Variants in CYP39A1 observed in about 807,000 individuals in gnomAD.
The protein encoded by CYP39A1 is cytochrome P450 family 39 subfamily A member 1, also known as 24-hydroxycholesterol 7-alpha-hydroxylase.
A neutral mutation model predicts 58.1 loss-of-function variants in CYP39A1; 49 were observed. The observed-to-expected ratio is 0.84, with a 90% CI of 0.67 to 1.07. The LOEUF (loss-of-function observed/expected upper bound fraction) is 1.07. Among genes scored for constraint, CYP39A1 ranks in the 50% least tolerant of loss-of-function variants. CYP39A1 has a pLI of 0.00. For synonymous variants in CYP39A1, 209 were observed against 187.6 expected, an observed-to-expected ratio of 1.11 and a Z score of -0.93; for missense variants, 531 against 539.4, an observed-to-expected ratio of 0.98 and a Z score of 0.16.
intron 10 of CYP39A1, chr6:46,586,553 C>G: frequency 2.0e-6 from 2 of 985,418 alleles, no homozygotes; most frequent in Non-Finnish European, 2.4e-6. Context: ...TGCATTAGAA[C>G]AGGGTATCAC....
At chr6:46,619,158 A>G (rs1774805733) in intron 7 of CYP39A1, among the ~76,000 whole-genome samples, 1 of 152,156 alleles carries the variant, frequency 6.6e-6, no homozygotes. Context: ...TGCTAACTCA[A>G]AATTCAGTGC....
intron 1 of CYP39A1, among the ~76,000 whole-genome samples, chr6:46,650,215 G>C (rs1043611746): frequency 3.9e-5 from 6 of 151,944 alleles, no homozygotes; most frequent in Admixed American, 1.3e-4. Context: ...GGGAAAGAAG[G>C]GCAGTCCTCT....
At chr6:46,573,787 C>T (rs1455064314) in intron 10 of CYP39A1, among the ~76,000 whole-genome samples, 2 of 152,112 alleles carry the variant, frequency 1.3e-5, no homozygotes, top group Non-Finnish European at 2.9e-5. Flanking sequence ...CTGAGACAGG[C>T]ATTTGACAGT....
rs895046038 is a variant in CYP39A1 at position 46,622,421 on chromosome 6, G to A, written c.931+2997C>T. On this transcript the variant is annotated intron_variant, in intron 7 of 11. Transcript: ENST00000275016. ...TAGCTCAAGATGACAACCTGAGAAC[G>A]CACTTCTACCTTCCTCTGCCCCAAT... Among the ~76,000 whole-genome samples the A allele has an allele frequency of 9.9e-5, 15 of 151,864 alleles. No individual in the cohort carries two copies. The South Asian group carries it at 1.7e-3, about 17-fold the overall frequency.
chr6:46,643,676 A>G (rs1259144319), intron 1 of CYP39A1, among the ~76,000 whole-genome samples: 1 of 152,260 alleles, frequency 6.6e-6, no homozygotes, highest in East Asian at 1.9e-4. Context: ...TTGAATCAGC[A>G]GTTGAGATAA....
chr6:46,551,757 C>CTT (rs1407236861), intron 11 of CYP39A1, among the ~76,000 whole-genome samples: 1 of 152,170 alleles, frequency 6.6e-6, no homozygotes, highest in African/African-American at 2.4e-5. Context: ...TCAGGACATG[C>CTT]TTTGACAACC....
At chr6:46,597,906 A>G (rs1012818764) in intron 7 of CYP39A1, among the ~76,000 whole-genome samples, 1 of 152,128 alleles carries the variant, frequency 6.6e-6, no homozygotes, top group Admixed American at 6.6e-5. Context: ...GAGCAATCTA[A>G]TATTAAAAGG....
At chr6:46,622,282 A>T (rs1315093718) in intron 7 of CYP39A1, among the ~76,000 whole-genome samples, 3 of 152,000 alleles carry the variant, frequency 2.0e-5, no homozygotes, top group African/African-American at 7.2e-5. Context: ...ATATACTAAA[A>T]ACTACTACAT....
At chr6:46,636,850 T>G (rs564664109) in intron 4 of CYP39A1, among the ~76,000 whole-genome samples, 1 of 152,172 alleles carries the variant, frequency 6.6e-6, no homozygotes, top group Non-Finnish European at 1.5e-5. Flanking sequence ...AAAAACAAAC[T>G]GGCTCTCATC....
intron 7 of CYP39A1, among the ~76,000 whole-genome samples, chr6:46,609,451 G>T (rs967052877): frequency 2.0e-4 from 31 of 151,914 alleles, no homozygotes; most frequent in Non-Finnish European, 8.8e-5. Context: ...AATTTATTGG[G>T]TACCTAAAAT....
At position 46,652,546 on chromosome 6, in the gene CYP39A1, C is replaced by T. The variant is rs771071163; in HGVS notation, c.37G>A (p.Gly13Ser). Residue 13 changes from glycine to serine, a missense_variant, in exon 1 of 12, where the codon GGT becomes AGT. Physicochemically the swap from Gly to Ser is moderately conservative, Grantham distance 56. Coordinates refer to ENST00000275016, the MANE Select transcript of CYP39A1 (RefSeq NM_016593.5). ...LISPTVIIILGCLALFLLLQR... is the reference protein window; with the variant it reads ...LISPTVIIILSCLALFLLLQR... Reference sequence around the variant, plus strand: ...AGGAGTAAGAACAGAGCAAGGCAACCCAGGATTATAATCACTGTTGGGGAA... The same window carrying T: ...AGGAGTAAGAACAGAGCAAGGCAACTCAGGATTATAATCACTGTTGGGGAA... 2 of 1,610,600 alleles carry T rather than the reference C, an allele frequency of 1.2e-6. No individual in the cohort carries two copies. The highest frequency in any genetic ancestry group is 2.2e-5 in the South Asian group (2 of 90,362).
chr6:46,640,697 G>A (rs1316392579), intron 2 of CYP39A1, among the ~76,000 whole-genome samples: 1 of 151,900 alleles, frequency 6.6e-6, no homozygotes, highest in East Asian at 1.9e-4. Flanking sequence ...GAGGTTTGGG[G>A]CATGATTAAT....
Position 46,550,457 on chromosome 6 carries a change from AG to A in CYP39A1, c.1339-21del. On this transcript the variant is annotated intron_variant, in intron 11 of 11. Transcript: ENST00000275016. Reference sequence around the variant, plus strand: ...ATAACTCTAAAAACAGAAATGCAGAAGAAATAGAAATTAAGAGACATAAGTC... The same window carrying A: ...ATAACTCTAAAAACAGAAATGCAGAAAAATAGAAATTAAGAGACATAAGTC... The A allele has an allele frequency of 6.2e-7, 1 of 1,602,422 alleles. No individual in the cohort carries two copies. Among genetic ancestry groups the A allele is most frequent in the East Asian group, 2.2e-5 (1 of 44,526 alleles).
rs909938227 is a variant in CYP39A1 at position 46,589,422 on chromosome 6, T to C, written c.1066-1293A>G. Among the ~76,000 whole-genome samples, 7 of 152,198 alleles carry C rather than the reference T, an allele frequency of 4.6e-5. No homozygotes were observed. In the East Asian group the frequency reaches 1.4e-3, roughly 29 times the overall value. On this transcript the variant is annotated intron_variant, in intron 8 of 11. Coordinates refer to ENST00000275016, the MANE Select transcript of CYP39A1 (RefSeq NM_016593.5). ...GAGCTATGATTGTGCCACTGTACTCTAGCCTGGGAGACAGAGTGACATTCT... is the reference window on the plus strand; with the variant it reads ...GAGCTATGATTGTGCCACTGTACTCCAGCCTGGGAGACAGAGTGACATTCT...
chr6:46,579,778 C>T (rs1772022894), intron 10 of CYP39A1, among the ~76,000 whole-genome samples: 1 of 151,954 alleles, frequency 6.6e-6, no homozygotes, highest in African/African-American at 2.4e-5. Flanking sequence ...CATAAAATAC[C>T]TAGGAACACA....
chr6:46,623,258 G>T (rs1312960506), intron 7 of CYP39A1, among the ~76,000 whole-genome samples: 1 of 152,126 alleles, frequency 6.6e-6, no homozygotes, highest in African/African-American at 2.4e-5. Context: ...GTTGATATTA[G>T]CATTTCAATC....
At position 46,642,186 on chromosome 6, in the gene CYP39A1, A is replaced by G. The variant is rs138523827; in HGVS notation, c.290T>C (p.Val97Ala). 6.2e-7 allele frequency: 1 copy of G among 1,612,774 alleles called. No homozygotes were observed. The highest frequency in any genetic ancestry group is 1.3e-5 in the African/African-American group (1 of 74,882). Reference protein sequence around the residue: ...KSKKVDFELAVQNIVYRTASI... With the variant: ...KSKKVDFELAAQNIVYRTASI... ...ACCTGTACGATAAACGATATTTTGCACTGCTAGTTCAAAATCTACTTTTTT... is the reference window on the plus strand; with the variant it reads ...ACCTGTACGATAAACGATATTTTGCGCTGCTAGTTCAAAATCTACTTTTTT... The change falls in exon 2 of 12, where the codon GTG becomes GCG. Residue 97 changes from valine to alanine, a missense_variant. Transcript: ENST00000275016.
chr6:46,596,997 G>C (rs1232904741), intron 7 of CYP39A1, among the ~76,000 whole-genome samples: 1 of 152,088 alleles, frequency 6.6e-6, no homozygotes, highest in Non-Finnish European at 1.5e-5. Flanking sequence ...ACCATCTTGG[G>C]AATGAGTGGG....
intron 10 of CYP39A1, among the ~76,000 whole-genome samples, chr6:46,572,369 T>A (rs1467255439): frequency 6.6e-6 from 1 of 152,160 alleles, no homozygotes; most frequent in Non-Finnish European, 1.5e-5. Context: ...AGTGATGAAC[T>A]CCTTCAGCTC....
Sources: allele counts gnomAD v4.1 joint callset (sites outside exome capture counted in the v4.1 genomes callset), GRCh38; gene constraint gnomAD v4.1.1; transcripts MANE v1.5; gene names NCBI Gene and HGNC (gene_info 2026-07-23, HGNC 2026-07-21).